Variants in ADGRB3 observed in about 807,000 individuals in gnomAD.
ADGRB3 encodes the protein adhesion G protein-coupled receptor B3.
A neutral mutation model predicts 193.4 loss-of-function variants in ADGRB3; 37 were observed. The observed-to-expected ratio is 0.19, with a 90% CI of 0.15 to 0.25. The LOEUF (loss-of-function observed/expected upper bound fraction) is 0.25, where lower values mean the gene tolerates loss of function less well. Ranked by LOEUF, ADGRB3 falls within the 10% of genes least tolerant of loss-of-function variation. The pLI, the probability that ADGRB3 is intolerant of heterozygous loss-of-function variation, is 1.00. For missense variants in ADGRB3, 1,637 were observed against 1,852.9 expected (o/e 0.88, Z 2.14); for synonymous variants, 690 against 644.2 (o/e 1.07, Z -1.08).
At chr6:69,068,350 A>G (rs145569633) in intron 16 of ADGRB3, among the ~76,000 whole-genome samples, 4 of 152,338 alleles carry the variant, frequency 2.6e-5, no homozygotes, top group African/African-American at 9.6e-5. Context: ...AGAAAAAGAC[A>G]TAGGCTATAT....
intron 8 of ADGRB3, among the ~76,000 whole-genome samples, chr6:68,966,675 C>T (rs1582355668): frequency 6.6e-6 from 1 of 152,310 alleles, no homozygotes; most frequent in South Asian, 2.1e-4. Flanking sequence ...GGCTTCTCAG[C>T]TTAGAGTGGG....
chr6:68,676,296 C>T (rs935580576), intron 3 of ADGRB3, among the ~76,000 whole-genome samples: 7 of 148,030 alleles, frequency 4.7e-5, no homozygotes, highest in Non-Finnish European at 1.0e-4. Context: ...GAGGCTAAGG[C>T]GAGATAATGG....
intron 17 of ADGRB3, among the ~76,000 whole-genome samples, chr6:69,199,905 C>T (rs1028092362): frequency 6.6e-6 from 1 of 151,908 alleles, no homozygotes; most frequent in Non-Finnish European, 1.5e-5. Flanking sequence ...CCCTTAAAAC[C>T]TTTATAGCCT....
At position 69,131,074 on chromosome 6, in the gene ADGRB3, G is replaced by C. The variant is rs183133509; in HGVS notation, c.2480+55036G>C. ...AAGAAGACATGAACTTCAAATGTTG[G>C]AATATAGCCATTAATTATTTCAGTA... On this transcript the variant is annotated intron_variant, in intron 17 of 31. Transcript: ENST00000370598. Among the ~76,000 whole-genome samples, 233 of 151,820 alleles carry C rather than the reference G, an allele frequency of 1.5e-3. 3 individuals are homozygous for C. The highest frequency in any genetic ancestry group is 5.2e-3 in the African/African-American group (216 of 41,416).
At chr6:68,803,815 T>C (rs1767355177) in intron 3 of ADGRB3, among the ~76,000 whole-genome samples, 2 of 152,218 alleles carry the variant, frequency 1.3e-5, no homozygotes, top group South Asian at 4.1e-4. Context: ...TACATTTAAG[T>C]GTTAACTTCC....
intron 17 of ADGRB3, among the ~76,000 whole-genome samples, chr6:69,132,093 GTA>G (rs1774027601): frequency 6.6e-6 from 1 of 152,162 alleles, no homozygotes; most frequent in African/African-American, 2.4e-5. Context: ...ACATACGAGT[GTA>G]TGTGTCTTTA....
intron 3 of ADGRB3, among the ~76,000 whole-genome samples, chr6:68,849,012 T>A (rs906359292): frequency 6.6e-6 from 1 of 151,960 alleles, no homozygotes. Flanking sequence ...AAAGAGTACA[T>A]ATAAGATTGA....
At chr6:69,169,622 A>G (rs1489894842) in intron 17 of ADGRB3, among the ~76,000 whole-genome samples, 3 of 151,566 alleles carry the variant, frequency 2.0e-5, no homozygotes, top group Admixed American at 1.3e-4. Context: ...AATAAATACC[A>G]TAGGTATTGA....
At chr6:69,098,489 C>T (rs1335314183) in intron 17 of ADGRB3, among the ~76,000 whole-genome samples, 1 of 152,174 alleles carries the variant, frequency 6.6e-6, no homozygotes, top group Non-Finnish European at 1.5e-5. Context: ...AATTGACTCA[C>T]AGTTCTGCAG....
At chr6:69,139,764 C>T (rs563425273) in intron 17 of ADGRB3, among the ~76,000 whole-genome samples, 12 of 152,304 alleles carry the variant, frequency 7.9e-5, no homozygotes, top group African/African-American at 2.9e-4. Context: ...GGGAAATACA[C>T]TTGGAACACA....
rs114894330 is a variant in ADGRB3 at position 69,259,360 on chromosome 6, C to T, written c.2814+20134C>T. On this transcript the variant is annotated intron_variant, in intron 20 of 31. Transcript: ENST00000370598. ...ACTACATTTCTTTAATATTTTCTCC[C>T]GTGTTGGTGTTCAATAACACGTAGT... 3.3e-3 allele frequency among the ~76,000 whole-genome samples: 497 copies of T among 152,180 alleles called. 1 individual carries two copies. The highest frequency in any genetic ancestry group is 0.011 in the African/African-American group (467 of 41,520).
chr6:69,053,725 G>A (rs1461645460), intron 15 of ADGRB3, among the ~76,000 whole-genome samples: 1 of 152,212 alleles, frequency 6.6e-6, no homozygotes, highest in African/African-American at 2.4e-5. Context: ...TGGCAAGCTC[G>A]TAAACTGCTC....
chr6:68,791,499 T>G (rs1353310769), intron 3 of ADGRB3, among the ~76,000 whole-genome samples: 1 of 152,200 alleles, frequency 6.6e-6, no homozygotes, highest in Non-Finnish European at 1.5e-5. Context: ...TTAGGAAAAT[T>G]CAATTTCCTC....
intron 3 of ADGRB3, among the ~76,000 whole-genome samples, chr6:68,906,390 G>T (rs1451585016): frequency 6.7e-6 from 1 of 149,528 alleles, no homozygotes; most frequent in Non-Finnish European, 1.5e-5. Context: ...ATTGTTGCTT[G>T]TAGCCTACAA....
At chr6:68,935,432 A>T (rs919952361) in intron 4 of ADGRB3, among the ~76,000 whole-genome samples, 2 of 152,216 alleles carry the variant, frequency 1.3e-5, no homozygotes, top group African/African-American at 4.8e-5. Context: ...TATCCTTTGA[A>T]TTCTATTCCA....
intron 3 of ADGRB3, among the ~76,000 whole-genome samples, chr6:68,661,531 GTGTATACA>G (rs1768652074): frequency 6.5e-5 from 4 of 61,942 alleles, no homozygotes; most frequent in Middle Eastern, 8.1e-3. Context: ...ATATATATAT[GTGTATACA>G]TATATATATA....
chr6:69,126,151 A>C (rs1314420888), intron 17 of ADGRB3, among the ~76,000 whole-genome samples: 2 of 152,174 alleles, frequency 1.3e-5, no homozygotes, highest in Non-Finnish European at 2.9e-5. Flanking sequence ...AATATCAAGA[A>C]ATTCCCTTCC....
rs181016311 is a variant in ADGRB3 at position 68,788,023 on chromosome 6, C to T, written c.758-142536C>T. On this transcript the variant is annotated intron_variant, in intron 3 of 31. Coordinates refer to ENST00000370598, the MANE Select transcript of ADGRB3 (RefSeq NM_001704.3). ...ATATCCCCTTTATCATTTTTTATTG[C>T]GTCTATTTGATTTTTCTCTCTTTTC... 2.4e-3 allele frequency among the ~76,000 whole-genome samples: 370 copies of T among 151,996 alleles called. 2 individuals carry two copies. The highest frequency in any genetic ancestry group is 8.4e-3 in the African/African-American group (349 of 41,464).
intron 20 of ADGRB3, among the ~76,000 whole-genome samples, chr6:69,244,940 CCTT>C (rs1766464088): frequency 1.3e-5 from 2 of 151,828 alleles, no homozygotes; most frequent in Admixed American, 1.3e-4. Flanking sequence ...CTGATTCTGT[CCTT>C]CTCTTCATAC....
Sources: allele counts gnomAD v4.1 joint callset (sites outside exome capture counted in the v4.1 genomes callset), GRCh38; gene constraint gnomAD v4.1.1; transcripts MANE v1.5; gene names NCBI Gene and HGNC (gene_info 2026-07-23, HGNC 2026-07-21).